The following PDE4D variants were observed in gnomAD, a reference collection of about 807,000 sequenced individuals.
The protein encoded by PDE4D is 3',5'-cyclic-AMP phosphodiesterase 4D.
Under a neutral mutation model 87.4 loss-of-function variants are expected in PDE4D, and 24 were observed. That is an observed-to-expected ratio of 0.27 (90% CI 0.20 to 0.39). PDE4D has a LOEUF of 0.39. Ranked by LOEUF, PDE4D falls within the 10% of genes least tolerant of loss-of-function variation. The pLI, the probability that PDE4D is intolerant of heterozygous loss-of-function variation, is 1.00. For missense variants in PDE4D, 714 were observed against 1,041.0 expected (o/e 0.69, Z 4.32); for synonymous variants, 384 against 383.2 (o/e 1.00, Z -0.02).
At chr5:59,406,967 G>A (rs1295846530) in intron 1 of PDE4D, among the ~76,000 whole-genome samples, 2 of 152,048 alleles carry the variant, frequency 1.3e-5, no homozygotes, top group African/African-American at 2.4e-5. Context: ...TGGAGACTTG[G>A]CTATCTATTC....
chr5:60,277,828 T>C (rs1271464647), intron 1 of PDE4D, among the ~76,000 whole-genome samples: 1 of 152,144 alleles, frequency 6.6e-6, no homozygotes, highest in Non-Finnish European at 1.5e-5. Flanking sequence ...TCACTTAAAG[T>C]GAAGTATAGA....
chr5:59,977,178 G>A (rs892809121), intron 3 of PDE4D, among the ~76,000 whole-genome samples: 5 of 152,238 alleles, frequency 3.3e-5, no homozygotes, highest in Non-Finnish European at 7.3e-5. Flanking sequence ...AAGACAGGCT[G>A]AAAGCCAGGC....
At chr5:59,416,921 GTATACA>G (rs1793699756) in intron 1 of PDE4D, among the ~76,000 whole-genome samples, 1 of 152,022 alleles carries the variant, frequency 6.6e-6, no homozygotes, top group African/African-American at 2.4e-5. Context: ...ACATATAGAT[GTATACA>G]TATACATATA....
At chr5:59,688,582 A>G (rs1750326579) in intron 1 of PDE4D, among the ~76,000 whole-genome samples, 1 of 152,322 alleles carries the variant, frequency 6.6e-6, no homozygotes, top group Non-Finnish European at 1.5e-5. Flanking sequence ...GTGTAGAGGG[A>G]AATTTATAGC....
At chr5:59,123,362 C>T (rs146952472) in intron 5 of PDE4D, among the ~76,000 whole-genome samples, 1 of 152,256 alleles carries the variant, frequency 6.6e-6, no homozygotes, top group Non-Finnish European at 1.5e-5. Flanking sequence ...TTCTTTGATA[C>T]TTCCTTTTTC....
At chr5:59,827,991 T>C (rs1055446579) in intron 1 of PDE4D, among the ~76,000 whole-genome samples, 2 of 152,108 alleles carry the variant, frequency 1.3e-5, no homozygotes, top group Non-Finnish European at 2.9e-5. Flanking sequence ...TTATAGAGAT[T>C]AGGAGAAACT....
intron 2 of PDE4D, among the ~76,000 whole-genome samples, chr5:60,089,816 CAG>C (rs1402816454): frequency 1.4e-5 from 2 of 144,278 alleles, no homozygotes; most frequent in African/African-American, 5.1e-5. Context: ...AAAATAAAGT[CAG>C]AGATGAAAAA....
chr5:60,024,175 AAGAG>A (rs772539836), intron 2 of PDE4D, among the ~76,000 whole-genome samples: 1 of 152,122 alleles, frequency 6.6e-6, no homozygotes, highest in Non-Finnish European at 1.5e-5. Flanking sequence ...GGGAGAGAGA[AAGAG>A]AGAGAGAATT....
At chr5:59,986,293 C>G (rs1232214968) in intron 3 of PDE4D, 1 of 152,506 alleles carries the variant, frequency 6.6e-6, no homozygotes, top group African/African-American at 2.4e-5. Context: ...TGAGGTCAAT[C>G]AATCCCTGCC....
chr5:59,643,150 T>G (rs1741885024), intron 1 of PDE4D, among the ~76,000 whole-genome samples: 1 of 152,142 alleles, frequency 6.6e-6, no homozygotes, highest in Non-Finnish European at 1.5e-5. Flanking sequence ...ATGAATACAA[T>G]GAGATGACGC....
chr5:59,885,029 A>C (rs1466650027), intron 1 of PDE4D, among the ~76,000 whole-genome samples: 1 of 151,952 alleles, frequency 6.6e-6, no homozygotes, highest in Non-Finnish European at 1.5e-5. Context: ...GAATGAAGTA[A>C]TGATCATTTT....
chr5:60,127,942 T>C (rs1454540576), intron 2 of PDE4D, among the ~76,000 whole-genome samples: 1 of 151,802 alleles, frequency 6.6e-6, no homozygotes, highest in African/African-American at 2.4e-5. Context: ...AAATAGAAGT[T>C]AAAAGGGAGA....
Position 60,067,388 on chromosome 5 carries a change from T to G in PDE4D, c.43-78671A>C, listed in dbSNP as rs371655661. Among the ~76,000 whole-genome samples, 12 of 152,168 alleles carry G rather than the reference T, an allele frequency of 7.9e-5. 1 individual carries two copies. The highest frequency in any genetic ancestry group is 2.6e-4 in the African/African-American group (11 of 41,552). ...TTGAATATCAGGAAGGAAGATGAAT[T>G]AAAGGGAGTTTCCCTTTAATTTCCT... On this transcript the variant is annotated intron_variant, in intron 2 of 16. Coordinates refer to the PDE4D transcript ENST00000502484.
intron 1 of PDE4D, among the ~76,000 whole-genome samples, chr5:59,457,793 G>A (rs1029620569): frequency 6.6e-6 from 1 of 152,184 alleles, no homozygotes; most frequent in African/African-American, 2.4e-5. Context: ...TACTTTGGGA[G>A]GCTGAGGCAG....
At chr5:60,396,729 C>A (rs1368328940) in intron 1 of PDE4D, among the ~76,000 whole-genome samples, 1 of 152,126 alleles carries the variant, frequency 6.6e-6, no homozygotes, top group African/African-American at 2.4e-5. Context: ...TGCCCCCAGA[C>A]AGAGAAGACC....
chr5:59,014,782 C>T (rs10472087), intron 6 of PDE4D, among the ~76,000 whole-genome samples: 15,296 of 152,170 alleles, frequency 0.1, 1,024 homozygotes, highest in Non-Finnish European at 0.13. Context: ...CTTTAAAGTT[C>T]ATATGGAACC....
At position 59,230,994 on chromosome 5, in the gene PDE4D, A is replaced by C. The variant is rs186424642; in HGVS notation, c.456-15026T>G. Among the ~76,000 whole-genome samples, 437 of 152,342 alleles carry C rather than the reference A, an allele frequency of 2.9e-3. 4 individuals carry two copies. The highest frequency in any genetic ancestry group is 0.01 in the African/African-American group (421 of 41,588). ...TTAAAATATATAGTGGAGAATAAAA[A>C]AAGATATGTCTCATTATGTGTCTCA... is the stretch of plus-strand genomic sequence containing the variant. On this transcript the variant is annotated intron_variant, in intron 1 of 14. Coordinates refer to ENST00000340635, the MANE Select transcript of PDE4D (RefSeq NM_001104631.2).
intron 1 of PDE4D, among the ~76,000 whole-genome samples, chr5:59,736,322 A>G (rs914104986): frequency 1.3e-5 from 2 of 152,162 alleles, no homozygotes; most frequent in Non-Finnish European, 2.9e-5. Context: ...ATGATATTCA[A>G]TACAGCTAAA....
chr5:59,888,212 A>G lies in PDE4D; in HGVS notation c.455+4956T>C, dbSNP rs79084138. On this transcript the variant is annotated intron_variant, in intron 1 of 14. Coordinates refer to ENST00000340635, the MANE Select transcript of PDE4D (RefSeq NM_001104631.2). Reference sequence around the variant, plus strand: ...GCAACTGAACCCAGATGATCCAATTAGAATAAGACAAGGACTTAGGAACAT... The same window carrying G: ...GCAACTGAACCCAGATGATCCAATTGGAATAAGACAAGGACTTAGGAACAT... Among the ~76,000 whole-genome samples the G allele has an allele frequency of 6.3e-3, 955 of 152,360 alleles. 6 individuals carry two copies. Among genetic ancestry groups the G allele is most frequent in the African/African-American group, 0.022 (921 of 41,594 alleles).
Sources: allele counts gnomAD v4.1 joint callset (sites outside exome capture counted in the v4.1 genomes callset), GRCh38; gene constraint gnomAD v4.1.1; transcripts MANE v1.5; gene names NCBI Gene and HGNC (gene_info 2026-07-23, HGNC 2026-07-21).